USH2A: variants seen among roughly 807,000 people sequenced by gnomAD.
USH2A encodes Usher syndrome 2A (autosomal recessive, mild).
In USH2A, 443 loss-of-function variants were observed where a neutral mutation model predicts 538.9. That is an observed-to-expected ratio of 0.82 (90% CI 0.76 to 0.89). USH2A has a LOEUF of 0.89. Among genes scored for constraint, USH2A ranks in the 40% least tolerant of loss-of-function variants. The pLI, the probability that USH2A is intolerant of heterozygous loss-of-function variation, is 0.00. For missense variants in USH2A, 6,633 were observed against 6,324.8 expected (o/e 1.05, Z -1.65); for synonymous variants, 2,413 against 2,273.5 (o/e 1.06, Z -1.75).
chr1:216,155,622 C>T (rs1245967359), intron 21 of USH2A, among the ~76,000 whole-genome samples: 1 of 152,146 alleles, frequency 6.6e-6, no homozygotes, highest in African/African-American at 2.4e-5. Flanking sequence ...AAATCCTAAC[C>T]TTCAAGACTT....
intron 50 of USH2A, 67 bp from the exon 51 acceptor site, chr1:215,790,349 A>T: frequency 1.3e-6 from 2 of 1,567,338 alleles, no homozygotes; most frequent in Non-Finnish European, 1.7e-6. Flanking sequence ...GGCTGCTATA[A>T]AGTTTGGTAT....
At chr1:215,976,030 C>T (rs985273256) in intron 35 of USH2A, among the ~76,000 whole-genome samples, 2 of 152,220 alleles carry the variant, frequency 1.3e-5, no homozygotes, top group South Asian at 2.1e-4. Flanking sequence ...ACATCTTTCA[C>T]CTTCTTGGAT....
chr1:216,231,847 C>G (rs1479019649), intron 14 of USH2A, 106 bp downstream of exon 14: 1 of 1,417,634 alleles, frequency 7.1e-7, no homozygotes. Context: ...GCCACCAAGC[C>G]GGGCAAAAAA....
Position 216,198,500 on chromosome 1 carries a change from C to T in USH2A, c.3896G>A (p.Ser1299Asn), listed in dbSNP as rs760486821. The change falls in exon 18 of 72, where the codon AGC (serine) becomes AAC (asparagine). Residue 1299 changes from serine to asparagine, a missense_variant. Coordinates refer to ENST00000307340, the MANE Select transcript of USH2A (RefSeq NM_206933.4). ...TTSEESRVFQ[S>N]SGWLSPHSFV... ...TGAATGAGGACTGAGCCAACCACTG[C>T]TCTGAAAAACTCGACTTTCCTCAGA... is the stretch of plus-strand genomic sequence containing the variant. 3 of 1,613,968 alleles carry T rather than the reference C, an allele frequency of 1.9e-6. No individual in the cohort carries two copies. The highest frequency in any genetic ancestry group is 1.1e-5 in the South Asian group (1 of 91,080).
intron 58 of USH2A, among the ~76,000 whole-genome samples, chr1:215,750,820 T>G (rs930266992): frequency 1.3e-5 from 2 of 152,074 alleles, no homozygotes; most frequent in South Asian, 4.1e-4. Context: ...TTTTCATTAG[T>G]AAAATGAGCA....
chr1:215,824,599 CT>C (rs1448257043), intron 47 of USH2A, among the ~76,000 whole-genome samples: 7 of 152,110 alleles, frequency 4.6e-5, no homozygotes, highest in Admixed American at 4.6e-4. Context: ...TTGGCATCTC[CT>C]TTTACTGAGT....
chr1:216,188,757 TA>T (rs1469099556), intron 20 of USH2A, among the ~76,000 whole-genome samples: 1 of 151,926 alleles, frequency 6.6e-6, no homozygotes, highest in African/African-American at 2.4e-5. Flanking sequence ...TGATACTGGC[TA>T]TATAGTAACA....
rs6674986 is a variant in USH2A at position 216,286,711 on chromosome 1, G to A, written c.1971+2569C>T. Among the ~76,000 whole-genome samples the A allele has an allele frequency of 9.3e-3, 1,412 of 151,952 alleles. 18 individuals are homozygous for A. Among genetic ancestry groups the A allele is most frequent in the African/African-American group, 0.033 (1,345 of 41,356 alleles). ...TGCACTCCAGCCTGGGTGACAGAGCGAGACTCTGTCTCTAAATAAATAAAT... is the reference window on the plus strand; with the variant it reads ...TGCACTCCAGCCTGGGTGACAGAGCAAGACTCTGTCTCTAAATAAATAAAT... On this transcript the variant is annotated intron_variant, in intron 11 of 71. Coordinates refer to ENST00000307340, the MANE Select transcript of USH2A (RefSeq NM_206933.4).
At chr1:216,334,459 C>T (rs1305571011) in intron 4 of USH2A, among the ~76,000 whole-genome samples, 1 of 151,912 alleles carries the variant, frequency 6.6e-6, no homozygotes, top group African/African-American at 2.4e-5. Flanking sequence ...AGCAAAGTGA[C>T]ATTGTAACTA....
At chr1:215,768,080 T>C (rs1416800726) in intron 55 of USH2A, among the ~76,000 whole-genome samples, 1 of 152,218 alleles carries the variant, frequency 6.6e-6, no homozygotes, top group African/African-American at 2.4e-5. Context: ...GATGTTAATG[T>C]GTCACTTTGT....
chr1:216,422,396 G>T lies in USH2A; in HGVS notation c.-60C>A. ...TTTCTAAATAAATAATCAGGCCCAC[G>T]CCACTTGCCAGCAATACTTTGAAGC... On this transcript the variant is annotated 5_prime_UTR_variant, in exon 2 of 72. Coordinates refer to ENST00000307340, the MANE Select transcript of USH2A (RefSeq NM_206933.4). 1 of 1,608,002 alleles carries T rather than the reference G, an allele frequency of 6.2e-7. No individual in the cohort carries two copies. The highest frequency in any genetic ancestry group is 1.1e-5 in the South Asian group (1 of 90,334).
chr1:215,900,076 G>C lies in USH2A; in HGVS notation c.7593C>G (p.Asp2531Glu). The change falls in exon 40 of 72, where the codon GAC (aspartate) becomes GAG (glutamate). Residue 2531 changes from aspartate to glutamate, a missense_variant and splice_region_variant. By Grantham distance (45) the Asp-to-Glu change is conservative (BLOSUM62 2). Transcript: ENST00000307340. ...CTGTGTATTGTTCAGACCACTTACT[G>C]TCCTCTGCGGTCATGAATGGAATCC... ...SSWIPFMTAE[D>E]KPGPVVPPIL... 1 of 1,613,622 alleles carries C rather than the reference G, an allele frequency of 6.2e-7. No individual in the cohort carries two copies. Among genetic ancestry groups the C allele is most frequent in the Non-Finnish European group, 8.5e-7 (1 of 1,179,692 alleles).
At chr1:215,692,278 A>G (rs1249232166) in intron 61 of USH2A, among the ~76,000 whole-genome samples, 1 of 152,112 alleles carries the variant, frequency 6.6e-6, no homozygotes, top group African/African-American at 2.4e-5. Flanking sequence ...TATTCTTTTG[A>G]GAAGTTTGGC....
chr1:215,744,485 C>T (rs1660406973), intron 58 of USH2A, among the ~76,000 whole-genome samples: 1 of 152,160 alleles, frequency 6.6e-6, no homozygotes, highest in Admixed American at 6.5e-5. Flanking sequence ...TCTCCTTGAT[C>T]TGAGAGTTTT....
intron 60 of USH2A, among the ~76,000 whole-genome samples, chr1:215,737,514 GT>G (rs1161622718): frequency 2.0e-5 from 3 of 151,786 alleles, no homozygotes; most frequent in African/African-American, 7.2e-5. Flanking sequence ...AAATATTTCT[GT>G]TTTTCCACTA....
chr1:215,746,273 G>A (rs1465464323), intron 58 of USH2A, among the ~76,000 whole-genome samples: 1 of 152,154 alleles, frequency 6.6e-6, no homozygotes, highest in Non-Finnish European at 1.5e-5. Flanking sequence ...GTGGGTGTGT[G>A]TGTGTGCCCT....
At chr1:215,747,218 G>A (rs1660496074) in intron 58 of USH2A, among the ~76,000 whole-genome samples, 1 of 152,156 alleles carries the variant, frequency 6.6e-6, no homozygotes. Context: ...CTAGACATGG[G>A]ATGAAAAGTT....
chr1:216,133,457 T>C (rs372480317), intron 21 of USH2A, among the ~76,000 whole-genome samples: 1 of 152,064 alleles, frequency 6.6e-6, no homozygotes, highest in Non-Finnish European at 1.5e-5. Context: ...GAGGGGTTCA[T>C]GGTAGAACTC....
chr1:216,246,699 T>G lies in USH2A; in HGVS notation c.2695A>C (p.Met899Leu), dbSNP rs755306976. 1.9e-6 allele frequency: 3 copies of G among 1,614,072 alleles called. No homozygotes were observed. Among genetic ancestry groups the G allele is most frequent in the Non-Finnish European group, 2.5e-6 (3 of 1,179,976 alleles). ...GTCCCCAAGGAATCACACTCACACATCTGGCAGTGTTGAAAATTGTCAATG... is the reference window on the plus strand; with the variant it reads ...GTCCCCAAGGAATCACACTCACACAGCTGGCAGTGTTGAAAATTGTCAATG... ...LTIDNFQHCQ[M>L]CECDSLGTLP... is the part of the protein sequence containing the mutation. Residue 899 changes from methionine (M) to leucine (L), a missense_variant, in exon 13 of 72, where the codon ATG becomes CTG. By Grantham distance (15) the Met-to-Leu change is conservative (BLOSUM62 2). Transcript: ENST00000307340.
Sources: gnomAD v4.1 joint callset for allele counts (sites outside exome capture counted in the v4.1 genomes callset) on GRCh38, gnomAD v4.1.1 for gene constraint, MANE v1.5 for transcripts, NCBI Gene and HGNC (gene_info 2026-07-23, HGNC 2026-07-21) for gene names.